The following CXCL13 variants were observed in gnomAD, a reference collection of about 807,000 sequenced individuals.
CXCL13 encodes C-X-C motif chemokine 13.
Under a neutral mutation model 12.2 loss-of-function variants are expected in CXCL13, and 7 were observed. That is an observed-to-expected ratio of 0.57 (90% CI 0.33 to 1.07). CXCL13 has a LOEUF of 1.07. Among genes scored for constraint, CXCL13 ranks in the 50% least tolerant of loss-of-function variants. CXCL13 has a pLI of 0.04. For synonymous variants in CXCL13, 47 were observed against 42.4 expected (o/e 1.11, Z -0.42); for missense variants, 113 against 127.4 (o/e 0.89, Z 0.55).
intron 1 of CXCL13, among the ~76,000 whole-genome samples, chr4:77,582,126 G>A (rs1430616769): frequency 6.6e-6 from 1 of 152,140 alleles, no homozygotes; most frequent in Non-Finnish European, 1.5e-5. Flanking sequence ...GGTGGAAAGT[G>A]GATTTTCTCT....
At chr4:77,544,577 A>G (rs1377233417) in intron 1 of CXCL13, among the ~76,000 whole-genome samples, 1 of 152,128 alleles carries the variant, frequency 6.6e-6, no homozygotes, top group Non-Finnish European at 1.5e-5. Flanking sequence ...TTCTTTGCCC[A>G]CTTTTTGATG....
chr4:77,611,408 A>G lies in CXCL13; in HGVS notation c.*369A>G, dbSNP rs550185293. 5.4e-6 allele frequency: 2 copies of G among 372,438 alleles called. No homozygotes were observed. Among genetic ancestry groups the G allele is most frequent in the Admixed American group, 4.5e-5 (1 of 22,306 alleles). The allele number at this position is 372,438 out of a possible 1,614,324, so 23.1% of individuals were successfully genotyped here. ...ATTTGAACATGTGGCTTGAATTAAG[A>G]AGAAAATTATGGCATATATTAAAAG... On this transcript the variant is annotated 3_prime_UTR_variant, in exon 4 of 4. Transcript: ENST00000682537.
chr4:77,610,868 C>T (rs1373759159), intron 3 of CXCL13, 120 bp from the exon 4 acceptor site: 1 of 967,648 alleles, frequency 1.0e-6, no homozygotes, highest in Non-Finnish European at 1.6e-6. Context: ...TCCAGCAGCT[C>T]AGTAAACCAA....
At chr4:77,595,487 T>C (rs1281052051) in intron 1 of CXCL13, among the ~76,000 whole-genome samples, 1 of 152,224 alleles carries the variant, frequency 6.6e-6, no homozygotes, top group African/African-American at 2.4e-5. Flanking sequence ...AGTTCACTTT[T>C]GGACCCTGAG....
chr4:77,547,883 T>C (rs1392206039), intron 1 of CXCL13, among the ~76,000 whole-genome samples: 1 of 152,190 alleles, frequency 6.6e-6, no homozygotes, highest in Non-Finnish European at 1.5e-5. Context: ...GTTTTTCCTT[T>C]CCATGGTTAG....
At chr4:77,546,950 C>G (rs190767359) in intron 1 of CXCL13, among the ~76,000 whole-genome samples, 1 of 152,204 alleles carries the variant, frequency 6.6e-6, no homozygotes, top group Non-Finnish European at 1.5e-5. Flanking sequence ...TGTTTGTTCT[C>G]ATTAGTTTCA....
At chr4:77,546,933 C>T (rs1047819962) in intron 1 of CXCL13, among the ~76,000 whole-genome samples, 4 of 152,092 alleles carry the variant, frequency 2.6e-5, no homozygotes, top group East Asian at 1.9e-4. Context: ...GATTCTGGTG[C>T]ATTGTGTGTT....
At position 77,607,840 on chromosome 4, in the gene CXCL13, G is replaced by C; in HGVS notation, c.197+5G>C. 6.2e-7 allele frequency: 1 copy of C among 1,613,478 alleles called. No homozygotes were observed. On this transcript the variant is annotated splice_donor_5th_base_variant and intron_variant, in intron 2 of 3. Transcript: ENST00000682537. Reference sequence around the variant, plus strand: ...TTGTCCAAGAAAAGAAATCATGTAAGTTTCAAGAGAAAAATAAATAAGATT... The same window carrying C: ...TTGTCCAAGAAAAGAAATCATGTAACTTTCAAGAGAAAAATAAATAAGATT...
chr4:77,540,973 A>G (rs1195271502), intron 1 of CXCL13, among the ~76,000 whole-genome samples: 3 of 151,950 alleles, frequency 2.0e-5, no homozygotes, highest in Admixed American at 6.6e-5. Flanking sequence ...TGGTATCTCA[A>G]TGTGGTTTTG....
intron 1 of CXCL13, among the ~76,000 whole-genome samples, chr4:77,571,150 G>A (rs1345602253): frequency 1.3e-5 from 2 of 151,968 alleles, no homozygotes; most frequent in Admixed American, 1.3e-4. Flanking sequence ...GATGCGGAGA[G>A]TCTTTATATC....
chr4:77,515,669 CTT>C (rs1724398423), intron 1 of CXCL13, among the ~76,000 whole-genome samples: 1 of 151,924 alleles, frequency 6.6e-6, no homozygotes, highest in African/African-American at 2.4e-5. Context: ...TATCCTGAGA[CTT>C]TGCTGAAGTT....
chr4:77,553,829 A>T (rs1262303228), intron 1 of CXCL13, among the ~76,000 whole-genome samples: 2 of 152,194 alleles, frequency 1.3e-5, no homozygotes, highest in African/African-American at 2.4e-5. Flanking sequence ...ATTTTTTTTT[A>T]AAAAGCAAAA....
chr4:77,545,097 C>T (rs926667936), intron 1 of CXCL13, among the ~76,000 whole-genome samples: 4 of 151,882 alleles, frequency 2.6e-5, no homozygotes, highest in African/African-American at 9.7e-5. Flanking sequence ...TTCTGTTTCA[C>T]TGGTCTATAT....
At chr4:77,551,548 T>C (rs1043596406) in intron 1 of CXCL13, among the ~76,000 whole-genome samples, 1 of 152,190 alleles carries the variant, frequency 6.6e-6, no homozygotes, top group Non-Finnish European at 1.5e-5. Context: ...GTCTTTTCTT[T>C]AGTATTGACC....
At chr4:77,606,428 T>G (rs895004856) in intron 1 of CXCL13, among the ~76,000 whole-genome samples, 1 of 152,214 alleles carries the variant, frequency 6.6e-6, no homozygotes, top group Non-Finnish European at 1.5e-5. Flanking sequence ...CAGACTTCCA[T>G]GTCTAAGTGG....
intron 2 of CXCL13, among the ~76,000 whole-genome samples, chr4:77,608,372 G>A (rs1373873574): frequency 2.0e-5 from 3 of 151,884 alleles, no homozygotes; most frequent in South Asian, 2.1e-4. Flanking sequence ...CCTGGGAGGC[G>A]GAGGTTGCGG....
At chr4:77,599,535 T>C (rs1359947852) in intron 1 of CXCL13, among the ~76,000 whole-genome samples, 2 of 152,162 alleles carry the variant, frequency 1.3e-5, no homozygotes, top group East Asian at 3.8e-4. Flanking sequence ...CTGTATTCAT[T>C]TGGAACGTAA....
intron 1 of CXCL13, among the ~76,000 whole-genome samples, chr4:77,586,747 A>G (rs1414062186): frequency 1.3e-5 from 2 of 152,204 alleles, no homozygotes; most frequent in African/African-American, 4.8e-5. Flanking sequence ...GTACTGAGAC[A>G]TTATCTTCAT....
intron 1 of CXCL13, among the ~76,000 whole-genome samples, chr4:77,595,693 AT>A (rs1457543556): frequency 6.6e-6 from 1 of 152,216 alleles, no homozygotes; most frequent in Non-Finnish European, 1.5e-5. Flanking sequence ...CACCCTAATA[AT>A]GAAACAATAC....
Sources: allele counts gnomAD v4.1 joint callset (sites outside exome capture counted in the v4.1 genomes callset), GRCh38; gene constraint gnomAD v4.1.1; transcripts MANE v1.5; gene names NCBI Gene and HGNC (gene_info 2026-07-23, HGNC 2026-07-21).